WDR7: variants seen among roughly 807,000 people sequenced by gnomAD.
The protein encoded by WDR7 is WD repeat domain 7, also known as WD repeat-containing protein 7.
WDR7 carries 46 observed loss-of-function variants against 169.4 expected under a neutral mutation model. The ratio of observed to expected loss-of-function variants is 0.27; its 90% CI spans 0.21 to 0.35. The LOEUF (loss-of-function observed/expected upper bound fraction) is 0.35. Among genes scored for constraint, WDR7 ranks in the 10% least tolerant of loss-of-function variants. The pLI, the probability that WDR7 is intolerant of heterozygous loss-of-function variation, is 1.00. For missense variants in WDR7, 1,534 were observed against 1,859.3 expected (o/e 0.83, Z 3.22); for synonymous variants, 612 against 666.8 (o/e 0.92, Z 1.27).
chr18:56,718,423 A>G lies in WDR7; in HGVS notation c.1774+264A>G, dbSNP rs187973276. ...GGACAACAAAGTATATATGTTTTCT[A>G]TATAATTCACAAGTAAACTGTGGAC... On this transcript the variant is annotated intron_variant, in intron 13 of 27. Transcript: ENST00000254442. Among the ~76,000 whole-genome samples, 7 of 152,302 alleles carry G rather than the reference A, an allele frequency of 4.6e-5. No homozygotes were observed. The East Asian group carries it at 1.2e-3, about 25-fold the overall frequency.
intron 14 of WDR7, among the ~76,000 whole-genome samples, chr18:56,733,973 G>A (rs2026641456): frequency 2.6e-5 from 4 of 152,144 alleles, no homozygotes; most frequent in Admixed American, 2.6e-4. Flanking sequence ...AACAGAAAGT[G>A]CAGAGAGCCT....
intron 14 of WDR7, among the ~76,000 whole-genome samples, chr18:56,740,132 G>A (rs906855652): frequency 1.3e-5 from 2 of 151,788 alleles, no homozygotes; most frequent in Non-Finnish European, 2.9e-5. Flanking sequence ...GTGTTTCAAT[G>A]TATATATTTT....
At chr18:56,722,600 A>G (rs2026346328) in intron 13 of WDR7, among the ~76,000 whole-genome samples, 1 of 152,222 alleles carries the variant, frequency 6.6e-6, no homozygotes, top group African/African-American at 2.4e-5. Flanking sequence ...AAAACCAAGT[A>G]TAATCAGAGA....
intron 1 of WDR7, among the ~76,000 whole-genome samples, chr18:56,665,007 G>T (rs2024986567): frequency 6.6e-6 from 1 of 152,156 alleles, no homozygotes; most frequent in South Asian, 2.1e-4. Context: ...AAAAGAACTT[G>T]GTGTGGCTGG....
intron 16 of WDR7, among the ~76,000 whole-genome samples, chr18:56,775,973 A>G (rs1361438884): frequency 6.6e-6 from 1 of 152,190 alleles, no homozygotes; most frequent in Non-Finnish European, 1.5e-5. Flanking sequence ...AGAAGTGTCA[A>G]ATGGTGACCT....
At chr18:56,995,936 C>T (rs2047893738) in intron 26 of WDR7, among the ~76,000 whole-genome samples, 1 of 152,090 alleles carries the variant, frequency 6.6e-6, no homozygotes, top group South Asian at 2.1e-4. Context: ...AAGCTGGGCT[C>T]CACAGAGCAG....
intron 26 of WDR7, 142 bp from the exon 27 acceptor site, chr18:57,020,603 T>C (rs1489660056): frequency 1.3e-6 from 1 of 768,208 alleles, no homozygotes; most frequent in Non-Finnish European, 2.1e-6. Context: ...TGCTTATTTT[T>C]CTAAGCTGAT....
intron 12 of WDR7, among the ~76,000 whole-genome samples, chr18:56,715,378 A>G (rs2026168922): frequency 6.6e-6 from 1 of 152,216 alleles, no homozygotes; most frequent in Non-Finnish European, 1.5e-5. Context: ...CATTTTCTCT[A>G]CTTTTTGGAA....
At chr18:56,663,413 T>A (rs2024948214) in intron 1 of WDR7, among the ~76,000 whole-genome samples, 1 of 152,206 alleles carries the variant, frequency 6.6e-6, no homozygotes, top group Non-Finnish European at 1.5e-5. Context: ...TAGAGAATGA[T>A]TATGGTGTTG....
intron 5 of WDR7, among the ~76,000 whole-genome samples, chr18:56,683,095 A>G (rs565027883): frequency 6.6e-6 from 1 of 152,286 alleles, no homozygotes; most frequent in Non-Finnish European, 1.5e-5. Flanking sequence ...GACAGAGTAT[A>G]TGGGTGATTA....
intron 14 of WDR7, among the ~76,000 whole-genome samples, chr18:56,744,108 G>A (rs1406909632): frequency 8.6e-5 from 13 of 151,642 alleles, no homozygotes; most frequent in Admixed American, 2.0e-4. Context: ...GCGTAGTGGC[G>A]GGCGCCTGTA....
At chr18:56,908,598 T>A (rs2046511701) in intron 21 of WDR7, among the ~76,000 whole-genome samples, 1 of 152,214 alleles carries the variant, frequency 6.6e-6, no homozygotes, top group South Asian at 2.1e-4. Flanking sequence ...TCAACCTTAT[T>A]TTGGCAATTC....
intron 14 of WDR7, among the ~76,000 whole-genome samples, chr18:56,741,114 A>G (rs571056432): frequency 6.6e-6 from 1 of 152,174 alleles, no homozygotes; most frequent in Non-Finnish European, 1.5e-5. Flanking sequence ...CTACAGGTCA[A>G]TAGGGCCCTT....
chr18:56,816,579 A>C (rs911954646), intron 20 of WDR7, among the ~76,000 whole-genome samples: 2 of 152,230 alleles, frequency 1.3e-5, no homozygotes, highest in Admixed American at 6.5e-5. Context: ...TATACTGTAG[A>C]AGTGAATGCT....
At chr18:56,840,746 G>C (rs1302088111) in intron 20 of WDR7, among the ~76,000 whole-genome samples, 1 of 151,928 alleles carries the variant, frequency 6.6e-6, no homozygotes, top group Non-Finnish European at 1.5e-5. Flanking sequence ...CTGAACCCGA[G>C]AGGTTGAGGC....
chr18:56,851,362 C>G (rs1167694393), intron 20 of WDR7, among the ~76,000 whole-genome samples: 2 of 152,128 alleles, frequency 1.3e-5, no homozygotes, highest in Admixed American at 6.6e-5. Flanking sequence ...CCAACTATCT[C>G]CTACTCATCT....
intron 25 of WDR7, 143 bp downstream of exon 25, chr18:56,939,536 G>A (rs975639338): frequency 3.9e-6 from 2 of 510,522 alleles, no homozygotes; most frequent in African/African-American, 4.0e-5. Flanking sequence ...AAACAATATG[G>A]GCAGGTTACA....
At chr18:56,975,287 G>T (rs2047550391) in intron 26 of WDR7, among the ~76,000 whole-genome samples, 1 of 152,170 alleles carries the variant, frequency 6.6e-6, no homozygotes, top group African/African-American at 2.4e-5. Context: ...TAGGTGTTCT[G>T]TGGGCAGACA....
At chr18:56,760,488 T>C (rs1166760261) in intron 16 of WDR7, among the ~76,000 whole-genome samples, 1 of 152,212 alleles carries the variant, frequency 6.6e-6, no homozygotes, top group Non-Finnish European at 1.5e-5. Context: ...CATTTATCAG[T>C]GTTGTTGCAT....
Sources: allele counts gnomAD v4.1 joint callset (sites outside exome capture counted in the v4.1 genomes callset), GRCh38; gene constraint gnomAD v4.1.1; transcripts MANE v1.5; gene names NCBI Gene and HGNC (gene_info 2026-07-23, HGNC 2026-07-21).